Variants in RARB observed in about 807,000 individuals in gnomAD.
The protein encoded by RARB is HBV-activated protein.
RARB carries 17 observed loss-of-function variants against 51.9 expected under a neutral mutation model. The ratio of observed to expected loss-of-function variants is 0.33; its 90% CI spans 0.22 to 0.49. RARB has a LOEUF of 0.49. Ranked by LOEUF, RARB falls within the 20% of genes least tolerant of loss-of-function variation. RARB has a pLI of 0.99. For missense variants in RARB, 369 were observed against 550.8 expected (o/e 0.67, Z 3.30); for synonymous variants, 215 against 195.4 (o/e 1.10, Z -0.84).
In RARB at chr3:25,159,501, G is replaced by A. The variant is rs139574962; in HGVS notation, c.-279-14618G>A. On this transcript the variant is annotated intron_variant, in intron 4 of 11. Transcript: ENST00000383772. ...ACCCAAAAGTGTCTTGAGTAATAGC[G>A]TCATCTGAATAAGTTGTGAGCCACA... 1.1e-3 allele frequency among the ~76,000 whole-genome samples: 172 copies of A among 151,230 alleles called. 1 individual carries two copies. The highest frequency in any genetic ancestry group is 7.5e-3 in the South Asian group (36 of 4,802).
chr3:25,417,739 A>G (rs1707746160), intron 5 of RARB, among the ~76,000 whole-genome samples: 1 of 152,230 alleles, frequency 6.6e-6, no homozygotes, highest in Admixed American at 6.5e-5. Context: ...GAGAAATACT[A>G]TCTTTCTTCT....
chr3:25,544,274 A>G (rs1008922617), intron 3 of RARB, among the ~76,000 whole-genome samples: 3 of 152,246 alleles, frequency 2.0e-5, no homozygotes, highest in Admixed American at 2.0e-4. Context: ...TTGAGGACAT[A>G]GATAATTAAG....
intron 2 of RARB, among the ~76,000 whole-genome samples, chr3:24,992,609 C>G (rs1323017534): frequency 6.6e-6 from 1 of 152,182 alleles, no homozygotes; most frequent in Non-Finnish European, 1.5e-5. Context: ...TCTCACAATT[C>G]TGAATCTTGA....
Position 25,561,249 on chromosome 3 carries a change from A to ATCT in RARB, c.449-8509_449-8508insTCT, listed in dbSNP as rs547798991. Among the ~76,000 whole-genome samples the ATCT allele has an allele frequency of 3.8e-3, 583 of 152,260 alleles. 1 individual carries two copies. The highest frequency in any genetic ancestry group is 0.013 in the African/African-American group (550 of 41,546). The stretch of plus-strand genomic sequence containing the variant: ...GTGGGTGGGATCTTTGAGTGGTAGG[A>ATCT]ATGACCAATTGTTTTCTTTCTTGCC... On this transcript the variant is annotated intron_variant, in intron 3 of 7. Transcript: ENST00000330688.
In RARB at chr3:24,989,875, C is replaced by T. The variant is rs1216136862; in HGVS notation, c.-379-70250C>T. 5.8e-5 allele frequency among the ~76,000 whole-genome samples: 5 copies of T among 86,732 alleles called. 1 individual carries two copies. Among genetic ancestry groups the T allele is most frequent in the Non-Finnish European group, 1.1e-4 (5 of 46,430 alleles). 56.9% of individuals were successfully genotyped at this position (86,732 alleles called of 152,430 possible). On this transcript the variant is annotated intron_variant, in intron 2 of 11. Coordinates refer to the RARB transcript ENST00000383772. ...ACTGCAGTGGCGCAATCTCGGCTCA[C>T]TGCAAGCTCCCCTTCCCGGGTTCAC... is the stretch of plus-strand genomic sequence containing the variant.
intron 5 of RARB, among the ~76,000 whole-genome samples, chr3:25,416,896 T>C (rs1174752732): frequency 6.6e-6 from 1 of 152,174 alleles, no homozygotes. Context: ...GTTGTGGTAA[T>C]AGCAGTAAGA....
intron 1 of RARB, among the ~76,000 whole-genome samples, chr3:24,844,346 C>T (rs1702459639): frequency 6.6e-6 from 1 of 152,210 alleles, no homozygotes; most frequent in African/African-American, 2.4e-5. Context: ...ACAGTTTTCT[C>T]TTGGTGATAG....
At chr3:25,299,373 T>C (rs1216929704) in intron 5 of RARB, among the ~76,000 whole-genome samples, 2 of 152,182 alleles carry the variant, frequency 1.3e-5, no homozygotes, top group Non-Finnish European at 2.9e-5. Context: ...AATTTTTGTA[T>C]TTATTTTGTA....
chr3:25,025,985 T>A (rs1697740280), intron 2 of RARB, among the ~76,000 whole-genome samples: 1 of 152,114 alleles, frequency 6.6e-6, no homozygotes, highest in Non-Finnish European at 1.5e-5. Context: ...TAGTCTGCAA[T>A]CCCAAATTAA....
intron 3 of RARB, among the ~76,000 whole-genome samples, chr3:25,085,337 C>G (rs1436449700): frequency 6.6e-6 from 1 of 152,008 alleles, no homozygotes; most frequent in East Asian, 1.9e-4. Context: ...TTTAGGGGTT[C>G]TTTTTAAATA....
At chr3:25,012,922 A>G (rs1178579158) in intron 2 of RARB, among the ~76,000 whole-genome samples, 3 of 152,118 alleles carry the variant, frequency 2.0e-5, no homozygotes, top group Non-Finnish European at 4.4e-5. Flanking sequence ...TTCTGACACC[A>G]AACTTAAGAC....
rs150640333 is a variant in RARB, at chr3:25,596,620, A to G, written c.*4A>G. ...TCAGTCACCACTCGTGCAATAAGAC[A>G]TTTTCTAGCTACTTCAAACATTCCC... is the stretch of plus-strand genomic sequence containing the variant. On this transcript the variant is annotated 3_prime_UTR_variant, in exon 8 of 8. Coordinates refer to ENST00000330688, the MANE Select transcript of RARB (RefSeq NM_000965.5). The G allele has an allele frequency of 1.0e-3, 1,570 of 1,574,862 alleles. No individual in the cohort carries two copies. The highest frequency in any genetic ancestry group is 1.2e-3 in the Non-Finnish European group (1,396 of 1,149,682).
intron 2 of RARB, among the ~76,000 whole-genome samples, chr3:24,961,841 A>G (rs1317970514): frequency 6.6e-6 from 1 of 152,164 alleles, no homozygotes; most frequent in East Asian, 1.9e-4. Context: ...TGTCTATAAA[A>G]ACAAAGCATT....
intron 3 of RARB, among the ~76,000 whole-genome samples, chr3:25,549,997 T>C (rs1187571603): frequency 6.6e-6 from 1 of 152,194 alleles, no homozygotes; most frequent in African/African-American, 2.4e-5. Context: ...CCCTTCCAGC[T>C]GTAGAATTCT....
At chr3:24,883,110 G>T (rs1164725516) in intron 2 of RARB, among the ~76,000 whole-genome samples, 2 of 151,930 alleles carry the variant, frequency 1.3e-5, no homozygotes, top group African/African-American at 4.8e-5. Context: ...CCAACCCTGG[G>T]ACCCAACTCC....
chr3:25,012,809 T>A (rs1240793502), intron 2 of RARB, among the ~76,000 whole-genome samples: 1 of 152,122 alleles, frequency 6.6e-6, no homozygotes, highest in Non-Finnish European at 1.5e-5. Context: ...ATTGTTTGGC[T>A]TTATTGTATA....
At chr3:25,174,326 C>T in exon 5 of RARB, 1 of 1,259,858 alleles carries the variant, frequency 7.9e-7, no homozygotes, top group East Asian at 4.7e-5. Flanking sequence ...ATTTGCCTCC[C>T]TCACTTTGGT....
At chr3:25,410,033 C>T (rs1038514135) in intron 5 of RARB, among the ~76,000 whole-genome samples, 1 of 152,102 alleles carries the variant, frequency 6.6e-6, no homozygotes, top group Non-Finnish European at 1.5e-5. Flanking sequence ...CTGCTTATAC[C>T]AGCCCAGTTC....
chr3:25,050,694 C>T (rs1329069763), intron 2 of RARB, among the ~76,000 whole-genome samples: 1 of 152,064 alleles, frequency 6.6e-6, no homozygotes, highest in African/African-American at 2.4e-5. Flanking sequence ...TCCTGGCATC[C>T]AATTATAGAA....
Sources: gnomAD v4.1 joint callset for allele counts (sites outside exome capture counted in the v4.1 genomes callset) on GRCh38, gnomAD v4.1.1 for gene constraint, MANE v1.5 for transcripts, NCBI Gene and HGNC (gene_info 2026-07-23, HGNC 2026-07-21) for gene names.